ZFHX3: variants seen among roughly 807,000 people sequenced by gnomAD.
ZFHX3 encodes zinc finger homeobox protein 3.
ZFHX3 carries 42 observed loss-of-function variants against 279.1 expected under a neutral mutation model. The ratio of observed to expected loss-of-function variants is 0.15; its 90% CI spans 0.12 to 0.19. ZFHX3 has a LOEUF of 0.19. Ranked by LOEUF, ZFHX3 falls within the 10% of genes least tolerant of loss-of-function variation. The pLI is 1.00. For synonymous variants in ZFHX3, 2,293 were observed against 1,957.8 expected (o/e 1.17, Z -4.52); for missense variants, 4,981 against 4,754.0 (o/e 1.05, Z -1.40).
chr16:73,682,844 AAAAG>A (rs2053025653), intron 1 of ZFHX3, among the ~76,000 whole-genome samples: 3 of 139,902 alleles, frequency 2.1e-5, no homozygotes, highest in Admixed American at 7.5e-5. Context: ...GAGAGAGAAA[AAAAG>A]AAAGAGAAAG....
chr16:73,216,954 A>G (rs1404556378), intron 5 of ZFHX3, among the ~76,000 whole-genome samples: 1 of 152,190 alleles, frequency 6.6e-6, no homozygotes, highest in African/African-American at 2.4e-5. Flanking sequence ...ATGTTCCGAA[A>G]GCATGGCCGT....
intron 2 of ZFHX3, among the ~76,000 whole-genome samples, chr16:73,647,266 C>A (rs1052120424): frequency 2.0e-5 from 3 of 152,198 alleles, no homozygotes; most frequent in Non-Finnish European, 2.9e-5. Context: ...CCGGCCTCAG[C>A]CTCCGGTTGT....
chr16:73,643,156 G>A (rs1175697958), intron 2 of ZFHX3, among the ~76,000 whole-genome samples: 1 of 152,162 alleles, frequency 6.6e-6, no homozygotes, highest in Non-Finnish European at 1.5e-5. Flanking sequence ...AGGCAAAACA[G>A]TTTGAAGTCA....
intron 7 of ZFHX3, among the ~76,000 whole-genome samples, chr16:73,107,695 C>G (rs1286402432): frequency 6.6e-6 from 1 of 152,178 alleles, no homozygotes; most frequent in Non-Finnish European, 1.5e-5. Flanking sequence ...TTTGGAACCC[C>G]AAGCACCTAG....
intron 4 of ZFHX3, among the ~76,000 whole-genome samples, chr16:72,859,467 T>C (rs1223621930): frequency 6.6e-6 from 1 of 152,210 alleles, no homozygotes; most frequent in Non-Finnish European, 1.5e-5. Context: ...ACTCCTCTTT[T>C]ACAGCCATGT....
At chr16:73,306,111 TTTCTACTGCGTACCTACTG>T (rs1424101693) in intron 4 of ZFHX3, among the ~76,000 whole-genome samples, 28 of 152,328 alleles carry the variant, frequency 1.8e-4, no homozygotes, top group Middle Eastern at 3.4e-3. Flanking sequence ...TTCTACCAAG[TTTCTACTGCGTACCTACTG>T]TTCTACTGCG....
intron 1 of ZFHX3, among the ~76,000 whole-genome samples, chr16:72,995,683 C>T (rs1963258367): frequency 1.3e-5 from 2 of 152,160 alleles, no homozygotes; most frequent in South Asian, 4.2e-4. Flanking sequence ...GGAATCCGCC[C>T]ACAAACCCCG....
chr16:73,280,186 GA>G (rs1341363942), intron 4 of ZFHX3, among the ~76,000 whole-genome samples: 1 of 152,048 alleles, frequency 6.6e-6, no homozygotes, highest in African/African-American at 2.4e-5. Context: ...GAACATAGGG[GA>G]AAAGATCCTT....
intron 2 of ZFHX3, among the ~76,000 whole-genome samples, chr16:73,570,778 C>T (rs2051726936): frequency 6.6e-6 from 1 of 152,074 alleles, no homozygotes; most frequent in African/African-American, 2.4e-5. Context: ...GAGAGAGTCA[C>T]TTATAAATCT....
At chr16:73,019,764 T>C (rs1425473856) in intron 1 of ZFHX3, among the ~76,000 whole-genome samples, 2 of 152,170 alleles carry the variant, frequency 1.3e-5, no homozygotes, top group Non-Finnish European at 2.9e-5. Flanking sequence ...CGTAGAGCAA[T>C]CAGGGCTCAC....
intron 1 of ZFHX3, among the ~76,000 whole-genome samples, chr16:73,018,786 A>G (rs1964196567): frequency 6.6e-6 from 1 of 152,134 alleles, no homozygotes; most frequent in South Asian, 2.1e-4. Context: ...ACTGGCTGTC[A>G]GTTTCCTCAA....
intron 1 of ZFHX3, among the ~76,000 whole-genome samples, chr16:73,833,204 G>C (rs946665091): frequency 6.6e-6 from 1 of 152,104 alleles, no homozygotes. Flanking sequence ...CTCTACAAAA[G>C]ATTTAAAAGT....
chr16:73,746,936 C>A (rs188288575), intron 1 of ZFHX3, among the ~76,000 whole-genome samples: 10 of 152,292 alleles, frequency 6.6e-5, no homozygotes, highest in Admixed American at 1.3e-4. Context: ...ACATTCCATG[C>A]ATTCTAAAGT....
intron 3 of ZFHX3, among the ~76,000 whole-genome samples, chr16:72,947,800 A>G (rs1960773505): frequency 6.6e-6 from 1 of 152,304 alleles, no homozygotes; most frequent in Non-Finnish European, 1.5e-5. Flanking sequence ...TTTCTCTAGC[A>G]GACAGTAAAG....
intron 1 of ZFHX3, among the ~76,000 whole-genome samples, chr16:73,751,939 C>G (rs1346421005): frequency 6.6e-6 from 1 of 152,120 alleles, no homozygotes; most frequent in Non-Finnish European, 1.5e-5. Flanking sequence ...AGAAAAGAAG[C>G]CAGGTCAATC....
At chr16:73,701,992 C>T (rs1049865477) in intron 1 of ZFHX3, among the ~76,000 whole-genome samples, 1 of 152,048 alleles carries the variant, frequency 6.6e-6, no homozygotes, top group South Asian at 2.1e-4. Context: ...AATCTATACA[C>T]AGCTGATGTT....
intron 5 of ZFHX3, among the ~76,000 whole-genome samples, chr16:73,189,989 A>G (rs1967994103): frequency 6.6e-6 from 1 of 152,226 alleles, no homozygotes; most frequent in Non-Finnish European, 1.5e-5. Flanking sequence ...TGAGAAATGG[A>G]GGTGATGTTA....
chr16:73,495,413 T>C (rs1456632326), intron 2 of ZFHX3, among the ~76,000 whole-genome samples: 3 of 152,140 alleles, frequency 2.0e-5, no homozygotes, highest in African/African-American at 4.8e-5. Context: ...TTGGTGCACA[T>C]GAAATAGACT....
intron 7 of ZFHX3, among the ~76,000 whole-genome samples, chr16:73,098,116 G>A (rs977828136): frequency 6.7e-6 from 1 of 149,742 alleles, no homozygotes; most frequent in African/African-American, 2.5e-5. Flanking sequence ...CACCCAGGCT[G>A]GAGTGCAGTG....
Sources: gnomAD v4.1 joint callset for allele counts (sites outside exome capture counted in the v4.1 genomes callset) on GRCh38, gnomAD v4.1.1 for gene constraint, MANE v1.5 for transcripts, NCBI Gene and HGNC (gene_info 2026-07-23, HGNC 2026-07-21) for gene names.